Variants in LIN7A observed in about 807,000 individuals in gnomAD.
LIN7A encodes the protein protein lin-7 homolog A.
In LIN7A, 25 loss-of-function variants were observed where a neutral mutation model predicts 29.8. That is an observed-to-expected ratio of 0.84 (90% CI 0.61 to 1.17). The LOEUF is 1.17. LIN7A is among the 50% of genes most tolerant of loss of function. The pLI is 0.00. For synonymous variants in LIN7A, 118 were observed against 107.5 expected (o/e 1.10, Z -0.60); for missense variants, 239 against 287.0 (o/e 0.83, Z 1.21).
At chr12:80,917,399 G>A (rs920555282) in intron 1 of LIN7A, among the ~76,000 whole-genome samples, 1 of 152,000 alleles carries the variant, frequency 6.6e-6, no homozygotes, top group Admixed American at 6.6e-5. Context: ...ACATAAACTG[G>A]CTGTTTTAAT....
intron 2 of LIN7A, among the ~76,000 whole-genome samples, chr12:80,850,879 G>C (rs1486008936): frequency 1.3e-5 from 2 of 151,966 alleles, no homozygotes; most frequent in South Asian, 2.1e-4. Context: ...AATCACCATG[G>C]GCCAAATGTA....
At chr12:80,913,194 G>A (rs1454655077) in intron 1 of LIN7A, among the ~76,000 whole-genome samples, 1 of 152,202 alleles carries the variant, frequency 6.6e-6, no homozygotes, top group Non-Finnish European at 1.5e-5. Flanking sequence ...TTTGCTACAT[G>A]CATTTCCTTC....
At chr12:80,839,734 A>G (rs1223032806) in intron 4 of LIN7A, among the ~76,000 whole-genome samples, 5 of 152,214 alleles carry the variant, frequency 3.3e-5, no homozygotes, top group Non-Finnish European at 5.9e-5. Context: ...CCTGACAGCC[A>G]TTCTGCATAA....
At chr12:80,810,884 G>A (rs1871254400) in intron 5 of LIN7A, among the ~76,000 whole-genome samples, 1 of 152,176 alleles carries the variant, frequency 6.6e-6, no homozygotes, top group Admixed American at 6.5e-5. Context: ...CCATTTGTAT[G>A]TTAGACACAC....
intron 2 of LIN7A, chr12:80,861,321 G>C (rs974901906): frequency 6.5e-6 from 1 of 153,130 alleles, no homozygotes; most frequent in Middle Eastern, 1.3e-3. Flanking sequence ...TCCTGCAGTG[G>C]CCCTCTTGGC....
At chr12:80,809,582 G>C (rs1269834958) in intron 5 of LIN7A, among the ~76,000 whole-genome samples, 2 of 152,152 alleles carry the variant, frequency 1.3e-5, no homozygotes, top group African/African-American at 2.4e-5. Context: ...TGTAAATGCA[G>C]TCATGGGAAA....
intron 5 of LIN7A, among the ~76,000 whole-genome samples, chr12:80,802,480 C>T (rs1479198752): frequency 2.0e-5 from 3 of 151,940 alleles, no homozygotes; most frequent in Non-Finnish European, 4.4e-5. Flanking sequence ...TGGATATATC[C>T]CCAGAAGTGA....
At chr12:80,855,938 T>C (rs1043283847) in intron 2 of LIN7A, among the ~76,000 whole-genome samples, 1 of 152,170 alleles carries the variant, frequency 6.6e-6, no homozygotes, top group African/African-American at 2.4e-5. Context: ...ATATAAATTT[T>C]ATATATTTTA....
chr12:80,896,883 T>C (rs977066247), intron 1 of LIN7A, among the ~76,000 whole-genome samples: 34 of 152,212 alleles, frequency 2.2e-4, no homozygotes, highest in African/African-American at 7.5e-4. Flanking sequence ...TGAAAAACTA[T>C]AGTTCTTAAG....
chr12:80,865,904 A>C (rs1364286866), intron 2 of LIN7A, among the ~76,000 whole-genome samples: 1 of 152,190 alleles, frequency 6.6e-6, no homozygotes, highest in African/African-American at 2.4e-5. Flanking sequence ...TCCCATGTGG[A>C]GTTTAAATCA....
chr12:80,838,262 A>G (rs1375664511), intron 4 of LIN7A, among the ~76,000 whole-genome samples: 1 of 152,230 alleles, frequency 6.6e-6, no homozygotes, highest in Non-Finnish European at 1.5e-5. Context: ...AAGTTGATCT[A>G]TGAAGGAATG....
chr12:80,824,535 A>G (rs919629448), intron 4 of LIN7A, among the ~76,000 whole-genome samples: 1 of 152,242 alleles, frequency 6.6e-6, no homozygotes, highest in Admixed American at 6.5e-5. Context: ...TCACCTTAAT[A>G]CCAAAACCAG....
At chr12:80,811,916 T>C (rs906746416) in intron 4 of LIN7A, among the ~76,000 whole-genome samples, 6 of 152,040 alleles carry the variant, frequency 3.9e-5, no homozygotes, top group African/African-American at 1.4e-4. Flanking sequence ...GTCATAAGGG[T>C]GAAAAGCAAT....
chr12:80,897,081 GT>G (rs1308481474), intron 1 of LIN7A, among the ~76,000 whole-genome samples: 5 of 150,636 alleles, frequency 3.3e-5, no homozygotes, highest in South Asian at 2.1e-4. Flanking sequence ...CTTCTTTCCT[GT>G]TTTTTTTAAA....
At chr12:80,881,646 T>C (rs547195734) in intron 2 of LIN7A, among the ~76,000 whole-genome samples, 1 of 150,952 alleles carries the variant, frequency 6.6e-6, no homozygotes, top group South Asian at 2.1e-4. Context: ...TATATATATA[T>C]GTACACACAC....
At chr12:80,842,534 T>C (rs1300383696) in intron 4 of LIN7A, among the ~76,000 whole-genome samples, 1 of 152,186 alleles carries the variant, frequency 6.6e-6, no homozygotes, top group Non-Finnish European at 1.5e-5. Context: ...AAATCTTCCA[T>C]ATTTAATCTC....
intron 2 of LIN7A, among the ~76,000 whole-genome samples, chr12:80,872,624 GT>G (rs1263375849): frequency 2.0e-5 from 3 of 152,018 alleles, no homozygotes; most frequent in Non-Finnish European, 4.4e-5. Flanking sequence ...TTAATTTTTA[GT>G]TTTCATTGAA....
At chr12:80,849,856 A>G (rs948776572) in intron 2 of LIN7A, among the ~76,000 whole-genome samples, 10 of 152,108 alleles carry the variant, frequency 6.6e-5, no homozygotes, top group African/African-American at 1.7e-4. Context: ...TGTCTCCTCT[A>G]TTAAATGTTT....
intron 4 of LIN7A, among the ~76,000 whole-genome samples, chr12:80,822,460 A>C (rs1871852612): frequency 1.3e-5 from 2 of 152,304 alleles, no homozygotes; most frequent in South Asian, 4.1e-4. Flanking sequence ...CAGGAGGCTG[A>C]GGCAGGAGAA....
Sources: gnomAD v4.1 joint callset for allele counts (sites outside exome capture counted in the v4.1 genomes callset) on GRCh38, gnomAD v4.1.1 for gene constraint, MANE v1.5 for transcripts, NCBI Gene and HGNC (gene_info 2026-07-23, HGNC 2026-07-21) for gene names.